The following HAPLN3 variants were observed in gnomAD, a reference collection of about 807,000 sequenced individuals.
HAPLN3 encodes the protein hyaluronan and proteoglycan link protein 3.
A neutral mutation model predicts 28.1 loss-of-function variants in HAPLN3; 28 were observed. The ratio of observed to expected loss-of-function variants is 1.00; its 90% CI spans 0.74 to 1.37. The LOEUF is 1.37. Among genes scored for constraint, HAPLN3 ranks in the 40% most tolerant of loss-of-function variants. HAPLN3 has a pLI of 0.00. For missense variants in HAPLN3, 513 were observed against 504.6 expected, an observed-to-expected ratio of 1.02 and a Z score of -0.16; for synonymous variants, 211 against 213.1, an observed-to-expected ratio of 0.99 and a Z score of 0.09.
intron 1 of HAPLN3, among the ~76,000 whole-genome samples, chr15:88,893,764 C>A (rs1898078107): frequency 6.6e-6 from 1 of 151,962 alleles, no homozygotes; most frequent in Non-Finnish European, 1.5e-5. Context: ...CCCATCTCTA[C>A]TAAAAATACA....
At position 88,878,989 on chromosome 15, in the gene HAPLN3, G is replaced by C; in HGVS notation, c.774C>G (p.Phe258Leu). Residue 258 changes from phenylalanine (F) to leucine (L), a missense_variant, in exon 4 of 5, where the codon TTC becomes TTG. Physicochemically the swap from Phe to Leu is conservative, Grantham distance 22 (BLOSUM62 0). Coordinates refer to ENST00000359595, the MANE Select transcript of HAPLN3 (RefSeq NM_178232.4). ...CACCCTTGAGGGCAGTAGCGAAGCA[G>C]AATACATCATAGCGGTGCAGGCGGC... The part of the protein sequence containing the change: ...RHRRLHRYDV[F>L]CFATALKGRV... The C allele has an allele frequency of 6.2e-7, 1 of 1,610,542 alleles. No homozygotes were observed. The highest frequency in any genetic ancestry group is 8.5e-7 in the Non-Finnish European group (1 of 1,178,970).
chr15:88,881,251 T>G lies in HAPLN3; in HGVS notation c.493+106A>C. 7.2e-7 allele frequency: 1 copy of G among 1,393,068 alleles called. No individual in the cohort carries two copies. The highest frequency in any genetic ancestry group is 1.4e-5 in the African/African-American group (1 of 69,578). The allele number at this position is 1,393,068 out of a possible 1,614,324, so 86.3% of individuals were successfully genotyped here. ...GCTTCCATGTGGGTTGTTTTGAGAA[T>G]TAAGTACTTTTAAATGTCTAAAGCA... On this transcript the variant is annotated intron_variant, in intron 3 of 4. Coordinates refer to ENST00000359595, the MANE Select transcript of HAPLN3 (RefSeq NM_178232.4). This position sits in a 1 kb window ranked among gnomAD's most constrained non-coding sequence, Gnocchi z 6.0.
In HAPLN3 at chr15:88,888,383, G is replaced by A. The variant is rs1351390378; in HGVS notation, c.-47-1038C>T. ...TGAGATTACAGGCATAAGCCACTGCGCCCAACTCAAAAATAATTTTTGAAC... is the reference window on the plus strand; with the variant it reads ...TGAGATTACAGGCATAAGCCACTGCACCCAACTCAAAAATAATTTTTGAAC... On this transcript the variant is annotated intron_variant, in intron 1 of 4. Transcript: ENST00000359595. This position sits in a 1 kb window ranked among gnomAD's most constrained non-coding sequence, Gnocchi z 4.1. Among the ~76,000 whole-genome samples the A allele has an allele frequency of 1.3e-5, 2 of 152,102 alleles. No homozygotes were observed. Among genetic ancestry groups the A allele is most frequent in the Non-Finnish European group, 2.9e-5 (2 of 68,016 alleles).
intron 4 of HAPLN3, among the ~76,000 whole-genome samples, 179 bp downstream of exon 4, chr15:88,878,788 A>G (rs1897607148): frequency 6.6e-6 from 1 of 152,252 alleles, no homozygotes; most frequent in African/African-American, 2.4e-5. Context: ...ATAACGCAGC[A>G]GCAGCAAAGC....
chr15:88,892,749 G>T (rs1373591045), intron 1 of HAPLN3, among the ~76,000 whole-genome samples: 1 of 152,192 alleles, frequency 6.6e-6, no homozygotes, highest in African/African-American at 2.4e-5. Flanking sequence ...TGAATGCTAA[G>T]GTCAGTGCAC....
chr15:88,879,846 G>C lies in HAPLN3; in HGVS notation c.494-577C>G. 9.4e-7 allele frequency: 1 copy of C among 1,062,406 alleles called. No homozygotes were observed. Among genetic ancestry groups the C allele is most frequent in the Non-Finnish European group, 1.1e-6 (1 of 876,178 alleles). The allele number at this position is 1,062,406 out of a possible 1,614,324, so 65.8% of individuals were successfully genotyped here. ...CAGGCGGTTTCTCTCCTTGTGGTCA[G>C]GGTCTGATAGAGGCCACAGGCCCTG... On this transcript the variant is annotated intron_variant, in intron 3 of 4. Coordinates refer to ENST00000359595, the MANE Select transcript of HAPLN3 (RefSeq NM_178232.4). This position sits in a 1 kb window ranked among gnomAD's most constrained non-coding sequence, Gnocchi z 5.0.
chr15:88,888,105 T>C lies in HAPLN3; in HGVS notation c.-47-760A>G, dbSNP rs781048444. Among the ~76,000 whole-genome samples, 18 of 113,644 alleles carry C rather than the reference T, an allele frequency of 1.6e-4. No individual in the cohort carries two copies. The highest frequency in any genetic ancestry group is 2.4e-4 in the African/African-American group (4 of 16,684). 74.6% of individuals were successfully genotyped at this position (113,644 alleles called of 152,430 possible). A position where few individuals can be genotyped will look rare whatever the true frequency, so the allele number is the denominator to read the frequency against. Reference sequence around the variant, plus strand: ...AAGATGAGTCCTGCATTGTGAACCCTTTTTTTTTTTTTTTGAGACAGAGTC... The same window carrying C: ...AAGATGAGTCCTGCATTGTGAACCCCTTTTTTTTTTTTTTGAGACAGAGTC... On this transcript the variant is annotated intron_variant, in intron 1 of 4. Coordinates refer to ENST00000359595, the MANE Select transcript of HAPLN3 (RefSeq NM_178232.4). The surrounding 1 kb of genome is among the most constrained non-coding windows in gnomAD (Gnocchi z 4.1).
chr15:88,887,076 C>CTGTCCCTG, intron 2 of HAPLN3, 99 bp downstream of exon 2: 1 of 1,322,124 alleles, frequency 7.6e-7, no homozygotes. Context: ...AACAGGGCTG[C>CTGTCCCTG]TGTCCCTGTC....
At chr15:88,886,865 AC>A (rs1241180271) in intron 2 of HAPLN3, among the ~76,000 whole-genome samples, 1 of 151,968 alleles carries the variant, frequency 6.6e-6, no homozygotes, top group Admixed American at 6.6e-5. Flanking sequence ...CATCTATTCG[AC>A]CCCAGGTCCC....
In HAPLN3 at chr15:88,893,145, G is replaced by T. The variant is rs1177706361; in HGVS notation, c.-48+2314C>A. ...AAAAAGGAACTTAAGGCCGGGTGCA[G>T]TGGCTCACACCTGTAATCCTACAGC... On this transcript the variant is annotated intron_variant, in intron 1 of 4. Coordinates refer to ENST00000359595, the MANE Select transcript of HAPLN3 (RefSeq NM_178232.4). The T allele has an allele frequency of 5.6e-6, 4 of 712,520 alleles. No homozygotes were observed. In the South Asian group the frequency reaches 5.9e-5, roughly 11 times the overall value. The allele number at this position is 712,520 out of a possible 1,614,324, so 44.1% of individuals were successfully genotyped here. A position where few individuals can be genotyped will look rare whatever the true frequency, so the allele number is the denominator to read the frequency against.
chr15:88,889,968 G>T (rs1897966672), intron 1 of HAPLN3, among the ~76,000 whole-genome samples: 1 of 124,498 alleles, frequency 8.0e-6, no homozygotes, highest in South Asian at 2.8e-4. Context: ...ACAGAAGGGA[G>T]AAAGGAAGGA....
rs1431948139 is a variant in HAPLN3, at chr15:88,888,292, C to T, written c.-47-947G>A. On this transcript the variant is annotated intron_variant, in intron 1 of 4. Transcript: ENST00000359595. The surrounding 1 kb of genome is among the most constrained non-coding windows in gnomAD (Gnocchi z 4.1). The stretch of plus-strand genomic sequence containing the variant: ...AATTTTAGTACAGACGGGGTTTCAC[C>T]GCGTTAGCCAGGATGATCTCAATCT... Among the ~76,000 whole-genome samples the T allele has an allele frequency of 1.3e-5, 2 of 151,868 alleles. No individual in the cohort carries two copies. The highest frequency in any genetic ancestry group is 2.9e-5 in the Non-Finnish European group (2 of 67,976).
chr15:88,895,121 G>A lies in HAPLN3; in HGVS notation c.-48+338C>T, dbSNP rs561328230. Among the ~76,000 whole-genome samples, 1 of 152,322 alleles carries A rather than the reference G, an allele frequency of 6.6e-6. No individual in the cohort carries two copies. Among genetic ancestry groups the A allele is most frequent in the South Asian group, 2.1e-4 (1 of 4,830 alleles). ...GCAGCCGACCCTGGACAGACGACAG[G>A]GGAGAGAGCCAAGCGGACCCTGGCA... On this transcript the variant is annotated intron_variant, in intron 1 of 4. Transcript: ENST00000359595. The surrounding 1 kb of genome is among the most constrained non-coding windows in gnomAD (Gnocchi z 5.5).
In HAPLN3 at chr15:88,880,457, T is replaced by C; in HGVS notation, c.493+900A>G. 1 of 1,221,484 alleles carries C rather than the reference T, an allele frequency of 8.2e-7. No individual in the cohort carries two copies. The highest frequency in any genetic ancestry group is 1.4e-5 in the South Asian group (1 of 71,238). 75.7% of individuals were successfully genotyped at this position (1,221,484 alleles called of 1,614,324 possible). On this transcript the variant is annotated intron_variant, in intron 3 of 4. Transcript: ENST00000359595. The surrounding 1 kb of genome is among the most constrained non-coding windows in gnomAD (Gnocchi z 6.0). ...AGGAGGAAAGATTGTGATACCCCAT[T>C]TTACACCTGAGAGGCCCAGGGCTCT...
Position 88,888,643 on chromosome 15 carries a change from G to GCT in HAPLN3, c.-47-1300_-47-1299dup. Reference sequence around the variant, plus strand: ...CCTGCTCACCTGCCATTTACTGCGTGCTCTCAACAATTAAAAGATGGGGTC... The same window carrying GCT: ...CCTGCTCACCTGCCATTTACTGCGTGCTCTCTCAACAATTAAAAGATGGGGTC... On this transcript the variant is annotated intron_variant, in intron 1 of 4. Transcript: ENST00000359595. The surrounding 1 kb of genome is among the most constrained non-coding windows in gnomAD (Gnocchi z 4.1). Among the ~76,000 whole-genome samples, 1 of 152,260 alleles carries GCT rather than the reference G, an allele frequency of 6.6e-6. No individual in the cohort carries two copies. Among genetic ancestry groups the GCT allele is most frequent in the Admixed American group, 6.5e-5 (1 of 15,274 alleles).
chr15:88,885,834 A>C (rs1897838686), intron 2 of HAPLN3, among the ~76,000 whole-genome samples: 1 of 151,856 alleles, frequency 6.6e-6, no homozygotes, highest in African/African-American at 2.4e-5. Context: ...TGATCCACTC[A>C]CCTCAGTCTC....
intron 2 of HAPLN3, among the ~76,000 whole-genome samples, chr15:88,884,554 ACT>A (rs1486045294): frequency 6.6e-6 from 1 of 152,044 alleles, no homozygotes; most frequent in Non-Finnish European, 1.5e-5. Flanking sequence ...ACAGAGCGAG[ACT>A]CTGTCTCAAT....
intron 1 of HAPLN3, chr15:88,893,037 G>T: frequency 7.0e-7 from 1 of 1,428,424 alleles, no homozygotes; most frequent in Non-Finnish European, 9.5e-7. Flanking sequence ...CCTGGGCTCG[G>T]TATTGGAGCT....
Position 88,881,699 on chromosome 15 carries a change from C to A in HAPLN3, c.151G>T (p.Val51Leu), listed in dbSNP as rs1446892498. 6 of 1,612,900 alleles carry A rather than the reference C, an allele frequency of 3.7e-6. No homozygotes were observed. The highest frequency in any genetic ancestry group is 5.1e-6 in the Non-Finnish European group (6 of 1,179,610). ...KDLLNGVKLVVETPEETLFTY... is the reference protein window; with the variant it reads ...KDLLNGVKLVLETPEETLFTY... ...AACAGGGTCTCCTCGGGTGTCTCCA[C>A]CACCAGCTTCACTCCATTAAGGAGG... The change falls in exon 3 of 5, where the codon GTG becomes TTG. Residue 51 changes from valine to leucine, a missense_variant. By Grantham distance (32) the Val-to-Leu change is conservative (BLOSUM62 1). Coordinates refer to ENST00000359595, the MANE Select transcript of HAPLN3 (RefSeq NM_178232.4). The surrounding 1 kb of genome is among the most constrained non-coding windows in gnomAD (Gnocchi z 6.0).
Sources: allele counts gnomAD v4.1 joint callset (sites outside exome capture counted in the v4.1 genomes callset), GRCh38; gene constraint gnomAD v4.1.1; non-coding constraint Gnocchi (gnomAD v3.1); transcripts MANE v1.5; gene names NCBI Gene and HGNC (gene_info 2026-07-23, HGNC 2026-07-21).